Variants in FSTL5 observed in about 807,000 individuals in gnomAD.
FSTL5 encodes follistatin-related protein 5.
Under a neutral mutation model 89.1 loss-of-function variants are expected in FSTL5, and 62 were observed. That is an observed-to-expected ratio of 0.70 (90% CI 0.57 to 0.86). FSTL5 has a LOEUF of 0.86. Among genes scored for constraint, FSTL5 ranks in the 40% least tolerant of loss-of-function variants. The probability of loss-of-function intolerance (pLI) is 0.00; values close to 1 mark genes in which losing one functional copy is unlikely to be tolerated. For missense variants in FSTL5, 1,057 were observed against 1,001.6 expected (o/e 1.06, Z -0.75); for synonymous variants, 383 against 346.2 (o/e 1.11, Z -1.18).
At chr4:161,596,847 C>T (rs1256278886) in intron 7 of FSTL5, among the ~76,000 whole-genome samples, 1 of 152,130 alleles carries the variant, frequency 6.6e-6, no homozygotes, top group Admixed American at 6.6e-5. Flanking sequence ...AAAAAGAAGA[C>T]ATATCCTTCG....
chr4:161,640,209 C>G lies in FSTL5; in HGVS notation c.894+16119G>C, dbSNP rs73862358. On this transcript the variant is annotated intron_variant, in intron 7 of 15. Coordinates refer to ENST00000306100, the MANE Select transcript of FSTL5 (RefSeq NM_020116.5). ...GAAAATTCTGGGGAAGAAAGAGAAT[C>G]TGGTTTTGAGTTACAGTATTAGATT... Among the ~76,000 whole-genome samples, 442 of 152,150 alleles carry G rather than the reference C, an allele frequency of 2.9e-3. 2 individuals carry two copies. The highest frequency in any genetic ancestry group is 7.0e-3 in the African/African-American group (291 of 41,536).
rs147822987 is a variant in FSTL5, at chr4:161,474,544, G to GTTT, written c.1608+6475_1608+6476insAAA. Among the ~76,000 whole-genome samples, 16 of 121,844 alleles carry GTTT rather than the reference G, an allele frequency of 1.3e-4. 1 individual carries two copies. Among genetic ancestry groups the GTTT allele is most frequent in the Non-Finnish European group, 1.3e-4 (8 of 59,292 alleles). The allele number at this position is 121,844 out of a possible 152,430, so 79.9% of individuals were successfully genotyped here. ...ACATGACTTCAAGTTATTGTGTAGT[G>GTTT]GTTTTTTTTTTTTTTGAGATGGGCG... is the stretch of plus-strand genomic sequence containing the variant. On this transcript the variant is annotated intron_variant, in intron 13 of 15. Transcript: ENST00000306100.
intron 3 of FSTL5, among the ~76,000 whole-genome samples, chr4:161,975,693 T>C (rs1171415592): frequency 4.0e-5 from 6 of 151,096 alleles, no homozygotes; most frequent in Non-Finnish European, 7.4e-5. Flanking sequence ...GCATGGCACA[T>C]GTATACATAT....
chr4:161,970,897 G>C (rs546957659), intron 3 of FSTL5, among the ~76,000 whole-genome samples: 1 of 152,104 alleles, frequency 6.6e-6, no homozygotes, highest in South Asian at 2.1e-4. Flanking sequence ...TGAATTTTAA[G>C]TGAATCATGA....
At chr4:162,103,108 T>A (rs1170346878) in intron 2 of FSTL5, among the ~76,000 whole-genome samples, 2 of 152,112 alleles carry the variant, frequency 1.3e-5, no homozygotes, top group Non-Finnish European at 2.9e-5. Flanking sequence ...AAAAGACGAT[T>A]TTCTGTAGTA....
chr4:161,729,723 C>A (rs1462005832), intron 6 of FSTL5, among the ~76,000 whole-genome samples: 1 of 151,660 alleles, frequency 6.6e-6, no homozygotes, highest in East Asian at 1.9e-4. Flanking sequence ...CTTCTGTGTA[C>A]AACTATTCAT....
intron 3 of FSTL5, among the ~76,000 whole-genome samples, chr4:162,008,991 G>A (rs1296487775): frequency 6.6e-6 from 1 of 152,014 alleles, no homozygotes; most frequent in Admixed American, 6.6e-5. Flanking sequence ...AATGGAAGAA[G>A]AAATTTAAAA....
At chr4:161,999,902 T>C (rs1736411401) in intron 3 of FSTL5, among the ~76,000 whole-genome samples, 1 of 152,176 alleles carries the variant, frequency 6.6e-6, no homozygotes, top group African/African-American at 2.4e-5. Flanking sequence ...CAAATTCACC[T>C]CCGATTTCCC....
chr4:162,135,084 T>C (rs754046560), intron 1 of FSTL5, among the ~76,000 whole-genome samples: 37 of 152,188 alleles, frequency 2.4e-4, no homozygotes, highest in Non-Finnish European at 5.3e-4. Context: ...GTCAGCATAG[T>C]ACAAGTGGAG....
At chr4:162,079,094 C>A (rs1269343653) in intron 2 of FSTL5, among the ~76,000 whole-genome samples, 1 of 151,734 alleles carries the variant, frequency 6.6e-6, no homozygotes, top group Non-Finnish European at 1.5e-5. Flanking sequence ...CCACTTTTCT[C>A]TACTCTATAC....
At chr4:161,826,275 A>G (rs1262448920) in intron 4 of FSTL5, among the ~76,000 whole-genome samples, 1 of 152,026 alleles carries the variant, frequency 6.6e-6, no homozygotes, top group East Asian at 1.9e-4. Context: ...AAATTTTTTG[A>G]GGCTTATTTT....
At chr4:161,476,925 A>G (rs1289516766) in intron 13 of FSTL5, among the ~76,000 whole-genome samples, 1 of 152,154 alleles carries the variant, frequency 6.6e-6, no homozygotes. Context: ...TGGCTCCTGC[A>G]TTCTGCATGC....
chr4:161,994,747 T>C (rs72693221), intron 3 of FSTL5, among the ~76,000 whole-genome samples: 25,289 of 152,220 alleles, frequency 0.17, 2,204 homozygotes, highest in East Asian at 0.21. Flanking sequence ...TTCTTCCAAA[T>C]GTGTTTAAGT....
At chr4:161,932,387 A>G (rs1003282480) in intron 3 of FSTL5, among the ~76,000 whole-genome samples, 1 of 151,782 alleles carries the variant, frequency 6.6e-6, no homozygotes, top group South Asian at 2.1e-4. Flanking sequence ...CTTTTTATTC[A>G]TAAGCTTTGA....
intron 3 of FSTL5, among the ~76,000 whole-genome samples, chr4:161,927,836 C>T (rs1457580260): frequency 6.6e-6 from 1 of 151,514 alleles, no homozygotes; most frequent in Admixed American, 6.6e-5. Context: ...TTGATATTTA[C>T]TTTTTTAAAT....
intron 6 of FSTL5, among the ~76,000 whole-genome samples, chr4:161,738,659 C>A (rs530249623): frequency 1.6e-4 from 24 of 152,054 alleles, no homozygotes; most frequent in African/African-American, 4.6e-4. Context: ...AGACACCTAG[C>A]TGAAAGGTAA....
At chr4:161,396,653 TAAA>T (rs202204959) in intron 15 of FSTL5, among the ~76,000 whole-genome samples, 1 of 125,152 alleles carries the variant, frequency 8.0e-6, no homozygotes. Flanking sequence ...CACTCTGTCT[TAAA>T]AAAAAAAAAA....
intron 3 of FSTL5, among the ~76,000 whole-genome samples, chr4:162,025,921 A>G (rs1737263180): frequency 6.6e-6 from 1 of 152,016 alleles, no homozygotes; most frequent in Non-Finnish European, 1.5e-5. Flanking sequence ...CAAATAACAT[A>G]AAAATACTTA....
intron 7 of FSTL5, among the ~76,000 whole-genome samples, chr4:161,611,238 A>G (rs1578965138): frequency 3.2e-5 from 1 of 31,282 alleles, no homozygotes; most frequent in Non-Finnish European, 6.2e-5. Context: ...ATACATATAT[A>G]TATATATATA....
Sources: allele counts gnomAD v4.1 joint callset (sites outside exome capture counted in the v4.1 genomes callset), GRCh38; gene constraint gnomAD v4.1.1; transcripts MANE v1.5; gene names NCBI Gene and HGNC (gene_info 2026-07-23, HGNC 2026-07-21).